TBX5: variants seen among roughly 807,000 people sequenced by gnomAD.
TBX5 encodes the protein T-box transcription factor TBX5.
TBX5 carries 8 observed loss-of-function variants against 51.1 expected under a neutral mutation model. That is an observed-to-expected ratio of 0.16 (90% CI 0.09 to 0.28). The LOEUF is 0.28. Ranked by LOEUF, TBX5 falls within the 10% of genes least tolerant of loss-of-function variation. The pLI is 1.00. For missense variants in TBX5, 589 were observed against 671.7 expected (o/e 0.88, Z 1.36); for synonymous variants, 302 against 266.4 (o/e 1.13, Z -1.30).
At chr12:114,360,570 G>A (rs2136366310) in intron 8 of TBX5, among the ~76,000 whole-genome samples, 1 of 151,670 alleles carries the variant, frequency 6.6e-6, no homozygotes, top group Admixed American at 6.6e-5. Context: ...ATAGATGGGT[G>A]GGGGGATGGA....
At chr12:114,358,544 T>C (rs915314374) in intron 8 of TBX5, among the ~76,000 whole-genome samples, 3 of 152,022 alleles carry the variant, frequency 2.0e-5, no homozygotes, top group African/African-American at 7.2e-5. Flanking sequence ...AAACAAAACA[T>C]ATCTCTTAGG....
At chr12:114,392,932 C>T (rs1036557060) in intron 6 of TBX5, among the ~76,000 whole-genome samples, 8 of 152,112 alleles carry the variant, frequency 5.3e-5, no homozygotes, top group Non-Finnish European at 8.8e-5. Context: ...GGAATGGTGT[C>T]TTGAGGGGAA....
Position 114,369,002 on chromosome 12 carries a change from G to GA in TBX5, c.756-2612dup, listed in dbSNP as rs142684127. Among the ~76,000 whole-genome samples the GA allele has an allele frequency of 4.5e-3, 632 of 140,624 alleles. 10 individuals carry two copies. The highest frequency in any genetic ancestry group is 0.021 in the Admixed American group (293 of 14,022). 92.3% of individuals were successfully genotyped at this position (140,624 alleles called of 152,430 possible). On this transcript the variant is annotated intron_variant, in intron 7 of 8. Transcript: ENST00000405440. ...GCTTTGTGGTTCAAGCTACGTAATG[G>GA]AAAAAAAAAAGAAAAAAAGAAAAAG...
Position 114,356,070 on chromosome 12 carries a change from T to G in TBX5, c.1019A>C (p.Lys340Thr). 6.2e-7 allele frequency: 1 copy of G among 1,613,574 alleles called. No individual in the cohort carries two copies. The highest frequency in any genetic ancestry group is 1.6e-4 in the Middle Eastern group (1 of 6,062). ...ACTGGGTGATGTCTCCATGTAGGGC[T>G]TCTTATAGGGATGGTCTGTGGTGGA... Reference protein sequence around the residue: ...ECSTTDHPYKKPYMETSPSEE... With the variant: ...ECSTTDHPYKTPYMETSPSEE... Residue 340 changes from lysine to threonine, a missense_variant, in exon 9 of 9, where the codon AAG (lysine) becomes ACG (threonine). Transcript: ENST00000405440.
At chr12:114,399,274 A>G (rs1249674450) in intron 4 of TBX5, among the ~76,000 whole-genome samples, 3 of 152,228 alleles carry the variant, frequency 2.0e-5, no homozygotes, top group Admixed American at 6.5e-5. Flanking sequence ...GCAGCAATAG[A>G]CACAGGCACC....
Position 114,355,588 on chromosome 12 carries a change from G to T in TBX5, c.1501C>A (p.Gln501Lys). Residue 501 changes from glutamine (Q) to lysine (K), a missense_variant, in exon 9 of 9, where the codon CAG becomes AAG. By Grantham distance (53) the Gln-to-Lys change is moderately conservative. Coordinates refer to ENST00000405440, the MANE Select transcript of TBX5 (RefSeq NM_181486.4). ...HGVPRTLSPHQYHSVHGVGMV... is the reference protein window; with the variant it reads ...HGVPRTLSPHKYHSVHGVGMV... ...CCAACTCCGTGCACAGAGTGGTACT[G>T]ATGAGGGGATAGAGTCCTTGGCACG... 1 of 1,614,224 alleles carries T rather than the reference G, an allele frequency of 6.2e-7. No individual in the cohort carries two copies.
intron 5 of TBX5, among the ~76,000 whole-genome samples, chr12:114,396,276 G>C (rs938579427): frequency 3.3e-5 from 5 of 151,886 alleles, no homozygotes; most frequent in Non-Finnish European, 7.4e-5. Context: ...CGACCGGGGC[G>C]GCGTGGCGAC....
chr12:114,384,388 G>A (rs1565934878), intron 7 of TBX5, among the ~76,000 whole-genome samples: 1 of 151,950 alleles, frequency 6.6e-6, no homozygotes, highest in African/African-American at 2.4e-5. Flanking sequence ...AAATCCTCCT[G>A]CCTCGGCCTT....
intron 8 of TBX5, 120 bp downstream of exon 8, chr12:114,366,045 T>C: frequency 8.8e-7 from 1 of 1,142,378 alleles, no homozygotes; most frequent in African/African-American, 1.6e-5. Flanking sequence ...TATTTTTGTG[T>C]TGTTTACATT....
intron 7 of TBX5, among the ~76,000 whole-genome samples, chr12:114,381,897 C>T (rs1167898272): frequency 6.6e-6 from 1 of 152,218 alleles, no homozygotes; most frequent in Admixed American, 6.5e-5. Context: ...CACAAAGACA[C>T]ACATGGCTCT....
chr12:114,392,306 G>T (rs1198020472), intron 6 of TBX5, among the ~76,000 whole-genome samples: 10 of 152,028 alleles, frequency 6.6e-5, no homozygotes, highest in African/African-American at 1.9e-4. Flanking sequence ...AGGGTGTTGG[G>T]CATATTCACA....
At chr12:114,374,029 G>A (rs1212566777) in intron 7 of TBX5, among the ~76,000 whole-genome samples, 1 of 152,224 alleles carries the variant, frequency 6.6e-6, no homozygotes, top group Non-Finnish European at 1.5e-5. Flanking sequence ...GGCATCCTTT[G>A]TTCTGGGGAA....
chr12:114,399,358 G>A (rs1044917377), intron 4 of TBX5, among the ~76,000 whole-genome samples, 155 bp downstream of exon 4: 1 of 151,852 alleles, frequency 6.6e-6, no homozygotes, highest in Non-Finnish European at 1.5e-5. Flanking sequence ...GTCTGAGAAT[G>A]GTTAGTAAAA....
intron 5 of TBX5, 26 bp downstream of exon 5, chr12:114,398,547 C>T (rs763976765): frequency 6.8e-6 from 11 of 1,608,694 alleles, no homozygotes; most frequent in South Asian, 1.1e-5. Context: ...GGAGACAAGG[C>T]GGGGAATCCA....
intron 2 of TBX5, among the ~76,000 whole-genome samples, chr12:114,403,536 A>G (rs187646390): frequency 1.3e-5 from 2 of 152,356 alleles, no homozygotes; most frequent in Admixed American, 6.5e-5. Flanking sequence ...CCGTCACAAT[A>G]AAGTAGATGG....
intron 7 of TBX5, among the ~76,000 whole-genome samples, chr12:114,380,277 C>A (rs894641048): frequency 5.9e-5 from 9 of 152,166 alleles, no homozygotes; most frequent in Admixed American, 5.9e-4. Context: ...CTATAAAAAA[C>A]CAGGGCCTAG....
intron 6 of TBX5, among the ~76,000 whole-genome samples, chr12:114,394,104 C>T (rs1871294273): frequency 6.6e-6 from 1 of 152,124 alleles, no homozygotes. Context: ...GCCAGGAGTT[C>T]AAGACCAGTC....
chr12:114,380,850 T>TAA (rs5801052), intron 7 of TBX5, among the ~76,000 whole-genome samples: 24,794 of 150,464 alleles, frequency 0.16, 2,527 homozygotes, highest in Admixed American at 0.26. Context: ...TAGTTTTTAT[T>TAA]AAAAAAAAAA....
chr12:114,359,760 G>A (rs77029080), intron 8 of TBX5, among the ~76,000 whole-genome samples: 2,776 of 152,312 alleles, frequency 0.018, 74 homozygotes, highest in African/African-American at 0.062. Context: ...GTGACTGGAT[G>A]AATCACCAGG....
Sources: gnomAD v4.1 joint callset for allele counts (sites outside exome capture counted in the v4.1 genomes callset) on GRCh38, gnomAD v4.1.1 for gene constraint, MANE v1.5 for transcripts, NCBI Gene and HGNC (gene_info 2026-07-23, HGNC 2026-07-21) for gene names.